The following FBXL17 variants were observed in gnomAD, a reference collection of about 807,000 sequenced individuals.
The protein encoded by FBXL17 is F-box/LRR-repeat protein 17.
A neutral mutation model predicts 66.2 loss-of-function variants in FBXL17; 22 were observed. The ratio of observed to expected loss-of-function variants is 0.33; its 90% CI spans 0.24 to 0.47. The LOEUF is 0.47. Ranked by LOEUF, FBXL17 falls within the 20% of genes least tolerant of loss-of-function variation. The probability of loss-of-function intolerance (pLI) is 1.00; values close to 1 mark genes in which losing one functional copy is unlikely to be tolerated. For missense variants in FBXL17, 878 were observed against 948.2 expected (o/e 0.93, Z 0.97); for synonymous variants, 474 against 400.5 (o/e 1.18, Z -2.19).
At chr5:108,232,987 T>C (rs61603913) in intron 4 of FBXL17, among the ~76,000 whole-genome samples, 21,286 of 150,178 alleles carry the variant, frequency 0.14, 1,587 homozygotes, top group Admixed American at 0.16. Flanking sequence ...CTGTGATCAT[T>C]CAAACATAAG....
At chr5:108,372,475 C>A (rs1749111461) in intron 1 of FBXL17, among the ~76,000 whole-genome samples, 1 of 152,104 alleles carries the variant, frequency 6.6e-6, no homozygotes, top group Non-Finnish European at 1.5e-5. Flanking sequence ...TATCAAGATG[C>A]ATCATAATCA....
In FBXL17 at chr5:108,350,531, A is replaced by G. The variant is rs539322828; in HGVS notation, c.1375-2001T>C. ...CTTGTCCAGCATAAATGACAAAAAT[A>G]GACACATGGCAATGCAAATCATCAA... On this transcript the variant is annotated intron_variant, in intron 3 of 8. Transcript: ENST00000542267. 6.6e-5 allele frequency among the ~76,000 whole-genome samples: 10 copies of G among 152,346 alleles called. No individual in the cohort carries two copies. The South Asian group carries it at 2.1e-3, about 32-fold the overall frequency.
chr5:108,250,135 CCAAT>C (rs1425107138), intron 4 of FBXL17, among the ~76,000 whole-genome samples: 1 of 152,056 alleles, frequency 6.6e-6, no homozygotes, highest in Non-Finnish European at 1.5e-5. Flanking sequence ...GCAACTGCTA[CCAAT>C]CAATTTTTTC....
At chr5:107,984,168 C>T (rs183701200) in intron 7 of FBXL17, among the ~76,000 whole-genome samples, 1 of 152,024 alleles carries the variant, frequency 6.6e-6, no homozygotes, top group Admixed American at 6.6e-5. Context: ...GAGCTGGTGG[C>T]ATCAAATTGG....
At chr5:108,023,891 G>A (rs1261148825) in intron 6 of FBXL17, among the ~76,000 whole-genome samples, 1 of 152,148 alleles carries the variant, frequency 6.6e-6, no homozygotes, top group Non-Finnish European at 1.5e-5. Flanking sequence ...GAGAAGGAGA[G>A]TGACAGAACC....
At chr5:108,257,810 T>G (rs1033147647) in intron 4 of FBXL17, among the ~76,000 whole-genome samples, 1 of 152,164 alleles carries the variant, frequency 6.6e-6, no homozygotes, top group Non-Finnish European at 1.5e-5. Flanking sequence ...ACATATTGTA[T>G]TATAATTTTT....
intron 6 of FBXL17, among the ~76,000 whole-genome samples, chr5:108,120,498 A>G (rs538893795): frequency 5.1e-4 from 78 of 152,310 alleles, no homozygotes; most frequent in South Asian, 2.3e-3. Flanking sequence ...ATTGAGAAAA[A>G]TTTAATTGAT....
chr5:107,880,867 T>C, intron 8 of FBXL17, 170 bp downstream of exon 8: 1 of 1,411,622 alleles, frequency 7.1e-7, no homozygotes, highest in African/African-American at 1.4e-5. Flanking sequence ...CTCAGATTAG[T>C]TTACAAAAGC....
chr5:108,214,274 A>T (rs1428347304), intron 5 of FBXL17, among the ~76,000 whole-genome samples: 1 of 152,176 alleles, frequency 6.6e-6, no homozygotes, highest in Non-Finnish European at 1.5e-5. Context: ...AATATATCCC[A>T]CGAGGATAAG....
rs776870745 is a variant in FBXL17 at position 108,186,220 on chromosome 5, G to A, written c.1642C>T (p.Arg548Cys). Residue 548 changes from arginine (R) to cysteine (C), a missense_variant, in exon 6 of 9, where the codon CGT becomes TGT. This residue lies in a region of FBXL17 where 236 missense variants were observed against 389.1 expected (regional missense o/e 0.61). Transcript: ENST00000542267. Reference protein sequence around the residue: ...KLRNLSSLDLRHITELDNETV... With the variant: ...KLRNLSSLDLCHITELDNETV... ...TCATTATCCAGTTCAGTGATATGAC[G>A]TAGGTCCAAGCTGGAAAGGTTTCTT... The A allele has an allele frequency of 6.2e-7, 1 of 1,612,610 alleles. No homozygotes were observed. The highest frequency in any genetic ancestry group is 8.5e-7 in the Non-Finnish European group (1 of 1,179,042).
At chr5:107,971,274 G>A (rs1752362849) in intron 7 of FBXL17, among the ~76,000 whole-genome samples, 1 of 152,084 alleles carries the variant, frequency 6.6e-6, no homozygotes, top group South Asian at 2.1e-4. Flanking sequence ...TGTTACGTAT[G>A]AGCACACCCC....
At position 108,149,728 on chromosome 5, in the gene FBXL17, G is replaced by A. The variant is rs189693181; in HGVS notation, c.1745+36389C>T. ...AGTTAATTATCCATTAATTTACTGT[G>A]AACGGAAAAAAATAGCCCTAACTTT... On this transcript the variant is annotated intron_variant, in intron 6 of 8. Transcript: ENST00000542267. Among the ~76,000 whole-genome samples, 128 of 152,214 alleles carry A rather than the reference G, an allele frequency of 8.4e-4. 1 individual carries two copies. The highest frequency in any genetic ancestry group is 3.0e-3 in the African/African-American group (125 of 41,532).
intron 6 of FBXL17, among the ~76,000 whole-genome samples, chr5:108,155,470 G>A (rs1580526314): frequency 6.6e-6 from 1 of 152,134 alleles, no homozygotes; most frequent in African/African-American, 2.4e-5. Flanking sequence ...AGACGAGATC[G>A]CACCACTGCA....
At chr5:108,044,124 T>C (rs575734595) in intron 6 of FBXL17, among the ~76,000 whole-genome samples, 1 of 152,272 alleles carries the variant, frequency 6.6e-6, no homozygotes, top group South Asian at 2.1e-4. Flanking sequence ...TTCGGTCATC[T>C]GTAAATAGGG....
intron 7 of FBXL17, among the ~76,000 whole-genome samples, chr5:107,940,790 G>A (rs757956375): frequency 1.5e-4 from 23 of 152,092 alleles, no homozygotes; most frequent in African/African-American, 3.1e-4. Context: ...AAAGGCAGGC[G>A]TTCTCAAACC....
At chr5:108,174,748 C>CAAAA (rs34237156) in intron 6 of FBXL17, among the ~76,000 whole-genome samples, 8 of 92,516 alleles carry the variant, frequency 8.6e-5, no homozygotes, top group African/African-American at 1.8e-4. Context: ...CACAAAGAAG[C>CAAAA]AAAAAAAAAA....
At chr5:108,025,722 C>CAT (rs1754785813) in intron 6 of FBXL17, among the ~76,000 whole-genome samples, 1 of 119,504 alleles carries the variant, frequency 8.4e-6, no homozygotes, top group Non-Finnish European at 1.7e-5. Context: ...CACACACGCG[C>CAT]GCGCGCACAC....
At chr5:108,105,626 A>G (rs1749765772) in intron 6 of FBXL17, among the ~76,000 whole-genome samples, 1 of 152,214 alleles carries the variant, frequency 6.6e-6, no homozygotes, top group South Asian at 2.1e-4. Context: ...TCATCTCTTA[A>G]TTATTCATGT....
intron 4 of FBXL17, among the ~76,000 whole-genome samples, chr5:108,275,372 A>G (rs1757442269): frequency 6.6e-6 from 1 of 152,204 alleles, no homozygotes; most frequent in African/African-American, 2.4e-5. Flanking sequence ...AAATTACTAA[A>G]GCAATTTAAA....
Sources: gnomAD v4.1 joint callset for allele counts (sites outside exome capture counted in the v4.1 genomes callset) on GRCh38, gnomAD v4.1.1 for gene constraint, gnomAD v4.1.1 regional missense constraint, MANE v1.5 for transcripts, NCBI Gene and HGNC (gene_info 2026-07-23, HGNC 2026-07-21) for gene names.